DAG1: variants seen among roughly 807,000 people sequenced by gnomAD.
The protein encoded by DAG1 is dystroglycan 1, also known as dystroglycan 1 (dystrophin-associated glycoprotein 1).
Under a neutral mutation model 46.1 loss-of-function variants are expected in DAG1, and 8 were observed. The ratio of observed to expected loss-of-function variants is 0.17; its 90% confidence interval spans 0.10 to 0.31. DAG1 has a LOEUF of 0.31. DAG1 is among the 10% of genes least tolerant of loss of function. The pLI is 1.00. For synonymous variants in DAG1, 495 were observed against 481.8 expected (o/e 1.03, Z -0.36); for missense variants, 1,003 against 1,189.9 (o/e 0.84, Z 2.31).
At chr3:49,471,740 T>C (rs1201051034) in intron 1 of DAG1, among the ~76,000 whole-genome samples, 4 of 152,240 alleles carry the variant, frequency 2.6e-5, no homozygotes, top group Admixed American at 1.3e-4. Flanking sequence ...AATGCATTTA[T>C]TCATTTGAAC....
chr3:49,503,123 C>A (rs192346447), intron 1 of DAG1, among the ~76,000 whole-genome samples: 6 of 152,260 alleles, frequency 3.9e-5, no homozygotes, highest in Admixed American at 3.9e-4. Flanking sequence ...TTTGCACTTT[C>A]CTGTCTGTGT....
chr3:49,504,986 T>TA (rs1313301046), intron 1 of DAG1, among the ~76,000 whole-genome samples: 1 of 149,514 alleles, frequency 6.7e-6, no homozygotes, highest in African/African-American at 2.5e-5. Context: ...TTTTTTTTTT[T>TA]AATTTTAAAA....
intron 2 of DAG1, among the ~76,000 whole-genome samples, chr3:49,520,085 A>G (rs1289309790): frequency 1.3e-5 from 2 of 152,186 alleles, no homozygotes; most frequent in Non-Finnish European, 2.9e-5. Flanking sequence ...TGACTCTGCT[A>G]AGGCCGCATG....
At chr3:49,520,587 G>A (rs1198604944) in intron 2 of DAG1, among the ~76,000 whole-genome samples, 3 of 152,174 alleles carry the variant, frequency 2.0e-5, no homozygotes, top group East Asian at 1.9e-4. Flanking sequence ...GGGATGTCAC[G>A]GGGCAGCAGT....
At position 49,512,625 on chromosome 3, in the gene DAG1, C is replaced by T. The variant is rs979444763; in HGVS notation, c.285+1806C>T. ...CAGGCTGGTCTCAAACTCCTTATCT[C>T]GGGTGATCTGTCTGCCTCAGCCTCG... On this transcript the variant is annotated intron_variant, in intron 2 of 2. Transcript: ENST00000308775. 5.3e-5 allele frequency among the ~76,000 whole-genome samples: 8 copies of T among 151,006 alleles called. No individual in the cohort carries two copies. The East Asian group carries it at 1.2e-3, about 23-fold the overall frequency.
chr3:49,511,096 A>C, intron 2 of DAG1: 1 of 569,576 alleles, frequency 1.8e-6, no homozygotes, highest in Non-Finnish European at 2.2e-6. Context: ...TTTGTTGGAA[A>C]GGTCTGTCAC....
intron 1 of DAG1, among the ~76,000 whole-genome samples, chr3:49,493,392 C>T (rs1475501628): frequency 6.6e-6 from 1 of 151,996 alleles, no homozygotes; most frequent in Non-Finnish European, 1.5e-5. Flanking sequence ...AATTAATTTC[C>T]AAATAATTAG....
intron 1 of DAG1, among the ~76,000 whole-genome samples, chr3:49,493,269 C>A (rs913443940): frequency 7.2e-5 from 11 of 151,996 alleles, no homozygotes; most frequent in African/African-American, 2.7e-4. Flanking sequence ...ATTTCAAACT[C>A]CTGGGCTCAA....
chr3:49,519,846 A>G lies in DAG1; in HGVS notation c.285+9027A>G, dbSNP rs537038667. Among the ~76,000 whole-genome samples the G allele has an allele frequency of 3.3e-5, 5 of 152,340 alleles. No homozygotes were observed. In the South Asian group the frequency reaches 1.0e-3, roughly 32 times the overall value. ...GAGGATTTTATTAGTGGCTCTAACT[A>G]TGTTAAGCTGCCCTTTACTTTTTTG... On this transcript the variant is annotated intron_variant, in intron 2 of 2. Transcript: ENST00000308775.
At chr3:49,515,878 T>G (rs928733400) in intron 2 of DAG1, among the ~76,000 whole-genome samples, 2 of 152,200 alleles carry the variant, frequency 1.3e-5, no homozygotes, top group African/African-American at 4.8e-5. Flanking sequence ...TCAAGAGATG[T>G]CTTTATCTTT....
intron 1 of DAG1, among the ~76,000 whole-genome samples, chr3:49,490,082 G>A (rs1418280633): frequency 6.6e-6 from 1 of 152,082 alleles, no homozygotes; most frequent in Admixed American, 6.6e-5. Flanking sequence ...GGCTGGGCGC[G>A]GTGGCTTACG....
intron 1 of DAG1, 85 bp downstream of exon 1, chr3:49,470,518 T>G (rs2049483560): frequency 6.6e-6 from 1 of 152,178 alleles, no homozygotes. Context: ...GCGGAACACC[T>G]GCTGCTGCTC....
At chr3:49,479,981 G>C (rs1186612925) in intron 1 of DAG1, among the ~76,000 whole-genome samples, 16 of 92,584 alleles carry the variant, frequency 1.7e-4, no homozygotes, top group Admixed American at 3.6e-4. Context: ...ACTGAGTCTC[G>C]CTCTGTCACC....
At chr3:49,504,277 T>TTC (rs2050536468) in intron 1 of DAG1, among the ~76,000 whole-genome samples, 4 of 151,934 alleles carry the variant, frequency 2.6e-5, no homozygotes, top group Admixed American at 2.6e-4. Context: ...CTTTTTTTTT[T>TTC]CACTTAGCAA....
chr3:49,501,917 G>A (rs929692125), intron 1 of DAG1, among the ~76,000 whole-genome samples: 4 of 151,976 alleles, frequency 2.6e-5, no homozygotes, highest in Non-Finnish European at 4.4e-5. Context: ...AGTGGCTCAC[G>A]CCTGTTCCCA....
At chr3:49,530,206 A>G (rs2051302008) in intron 2 of DAG1, among the ~76,000 whole-genome samples, 1 of 152,188 alleles carries the variant, frequency 6.6e-6, no homozygotes. Context: ...TTTGCTACAC[A>G]AATGTGCCCC....
intron 1 of DAG1, among the ~76,000 whole-genome samples, chr3:49,506,459 A>C (rs2050609382): frequency 6.6e-6 from 1 of 152,182 alleles, no homozygotes; most frequent in African/African-American, 2.4e-5. Context: ...TATCAAGTTG[A>C]AGAAGTTCCC....
At chr3:49,521,942 C>T (rs1473393988) in intron 2 of DAG1, among the ~76,000 whole-genome samples, 3 of 152,102 alleles carry the variant, frequency 2.0e-5, no homozygotes, top group Non-Finnish European at 2.9e-5. Flanking sequence ...CTCCACCTCC[C>T]GGGTTCAAGC....
chr3:49,493,990 G>A (rs151215556), intron 1 of DAG1, among the ~76,000 whole-genome samples: 2 of 152,278 alleles, frequency 1.3e-5, no homozygotes, highest in African/African-American at 4.8e-5. Context: ...TTTAGAATTT[G>A]TAGCTGTGGC....
Sources: gnomAD v4.1 joint callset for allele counts (sites outside exome capture counted in the v4.1 genomes callset) on GRCh38, gnomAD v4.1.1 for gene constraint, MANE v1.5 for transcripts, NCBI Gene and HGNC (gene_info 2026-07-23, HGNC 2026-07-21) for gene names.